Variants in TNIP1 observed in about 807,000 individuals in gnomAD.
The protein encoded by TNIP1 is TNFAIP3 interacting protein 1, also known as TNFAIP3-interacting protein 1.
TNIP1 carries 22 observed loss-of-function variants against 86.6 expected under a neutral mutation model. The observed-to-expected ratio is 0.25, with a 90% CI of 0.18 to 0.36. TNIP1 has a LOEUF of 0.36. TNIP1 is among the 10% of genes least tolerant of loss of function. TNIP1 has a pLI of 1.00. For synonymous variants in TNIP1, 294 were observed against 313.0 expected, an observed-to-expected ratio of 0.94 and a Z score of 0.64; for missense variants, 709 against 820.6, an observed-to-expected ratio of 0.86 and a Z score of 1.66.
intron 1 of TNIP1, among the ~76,000 whole-genome samples, chr5:151,071,274 T>C (rs1488216408): frequency 6.6e-6 from 1 of 152,046 alleles, no homozygotes; most frequent in Non-Finnish European, 1.5e-5. Flanking sequence ...TCCTCCATCC[T>C]TGCAATCAAC....
At chr5:151,057,754 G>T (rs1474344326) in intron 5 of TNIP1, among the ~76,000 whole-genome samples, 2 of 152,132 alleles carry the variant, frequency 1.3e-5, no homozygotes, top group African/African-American at 4.8e-5. Context: ...AACATGTACA[G>T]AATTTTTTTC....
chr5:151,031,112 C>G (rs552532030), intron 17 of TNIP1, among the ~76,000 whole-genome samples: 1 of 152,292 alleles, frequency 6.6e-6, no homozygotes, highest in Non-Finnish European at 1.5e-5. Flanking sequence ...ATCAAAGCAG[C>G]CTCCAAGGGG....
At chr5:151,035,779 C>T (rs1757623288) in intron 13 of TNIP1, 72 bp from the exon 14 acceptor site, 12 of 1,582,894 alleles carry the variant, frequency 7.6e-6, no homozygotes, top group Non-Finnish European at 1.0e-5. Context: ...GGCCCAGACT[C>T]CCATGCCTCC....
chr5:151,078,817 C>T (rs887026337), intron 1 of TNIP1, among the ~76,000 whole-genome samples: 1 of 152,154 alleles, frequency 6.6e-6, no homozygotes, highest in African/African-American at 2.4e-5. Flanking sequence ...CAAATCACAG[C>T]GGGTACAGGA....
intron 14 of TNIP1, 122 bp from the exon 15 acceptor site, chr5:151,035,189 G>A (rs762468260): frequency 1.2e-5 from 14 of 1,160,344 alleles, no homozygotes; most frequent in East Asian, 2.5e-5. Context: ...GCCACCATGC[G>A]TGGGCCAGCC....
chr5:151,032,594 T>C (rs1581713384), intron 16 of TNIP1: 1 of 593,140 alleles, frequency 1.7e-6, no homozygotes, highest in East Asian at 2.9e-5. Flanking sequence ...ATGGCTAAGC[T>C]TGGATTTGAA....
upstream of TNIP1, among the ~76,000 whole-genome samples, chr5:151,085,586 A>C (rs947650341): frequency 6.6e-6 from 1 of 152,182 alleles, no homozygotes; most frequent in Non-Finnish European, 1.5e-5. Flanking sequence ...AGGAGAGGAA[A>C]GGGCAAAGTG....
intron 1 of TNIP1, among the ~76,000 whole-genome samples, chr5:151,067,402 C>T (rs1394845127): frequency 1.3e-5 from 2 of 152,204 alleles, no homozygotes; most frequent in Non-Finnish European, 2.9e-5. Flanking sequence ...GAGGCAGGAG[C>T]GTACTTTGCA....
chr5:151,056,951 C>T lies in TNIP1; in HGVS notation c.442G>A (p.Gly148Ser). The stretch of plus-strand genomic sequence containing the variant: ...TTGCCGTCCTCACGGGGCAGGGGGC[C>T]CAGCGCCTGGAGAGGGAAAGGGCAC... ...SSSHANAMAL[G>S]PLPREDGNLM... is the part of the protein sequence containing the mutation. The change falls in exon 6 of 18, where the codon GGC becomes AGC. Residue 148 changes from glycine to serine, a missense_variant. Coordinates refer to ENST00000521591, the MANE Select transcript of TNIP1 (RefSeq NM_006058.5). 6.6e-7 allele frequency: 1 copy of T among 1,513,340 alleles called. No individual in the cohort carries two copies. The allele number at this position is 1,513,340 out of a possible 1,614,324, so 93.7% of individuals were successfully genotyped here.
At chr5:151,038,959 A>C in intron 12 of TNIP1, 138 bp downstream of exon 12, 1 of 1,194,828 alleles carries the variant, frequency 8.4e-7, no homozygotes, top group Non-Finnish European at 1.1e-6. Flanking sequence ...ATGGCAGAGC[A>C]GGCGGGAAAC....
At chr5:151,045,807 C>T in intron 9 of TNIP1, 54 bp downstream of exon 9, 1 of 1,579,582 alleles carries the variant, frequency 6.3e-7, no homozygotes, top group Non-Finnish European at 8.7e-7. Flanking sequence ...CTTTGTGCTG[C>T]TGGTCCCGGG....
chr5:151,039,915 C>T (rs1023731206), intron 11 of TNIP1, among the ~76,000 whole-genome samples: 4 of 152,252 alleles, frequency 2.6e-5, no homozygotes, highest in Non-Finnish European at 5.9e-5. Context: ...ACGGAACCAG[C>T]AGGGCTTCGC....
At chr5:151,048,938 C>T (rs1049522400) in intron 8 of TNIP1, among the ~76,000 whole-genome samples, 2 of 152,172 alleles carry the variant, frequency 1.3e-5, no homozygotes, top group Admixed American at 6.5e-5. Flanking sequence ...TACTTGACCT[C>T]TCCAAACCTA....
chr5:151,057,804 A>G (rs1460112837), intron 5 of TNIP1, among the ~76,000 whole-genome samples: 3 of 152,242 alleles, frequency 2.0e-5, no homozygotes, highest in African/African-American at 7.2e-5. Context: ...ACCAAAATTT[A>G]GCATTTACAT....
In TNIP1 at chr5:151,052,075, C is replaced by A. The variant is rs939450923; in HGVS notation, c.722+90G>T. The A allele has an allele frequency of 2.6e-5, 31 of 1,177,288 alleles. No homozygotes were observed. In the African/African-American group the frequency reaches 4.1e-4, roughly 16 times the overall value. The allele number at this position is 1,177,288 out of a possible 1,614,324, so 72.9% of individuals were successfully genotyped here. A position where few individuals can be genotyped will look rare whatever the true frequency, so the allele number is the denominator to read the frequency against. The stretch of plus-strand genomic sequence containing the variant: ...CTCTGGGCACAGGGCCTCAGAGCCA[C>A]GGTCCTCAACCCAGAAATCAGTGCT... On this transcript the variant is annotated intron_variant, in intron 7 of 17. Coordinates refer to ENST00000521591, the MANE Select transcript of TNIP1 (RefSeq NM_006058.5).
At chr5:151,059,818 AGAGAGAGAGAGT>A (rs1316489289) in intron 5 of TNIP1, among the ~76,000 whole-genome samples, 3 of 102,980 alleles carry the variant, frequency 2.9e-5, no homozygotes, top group South Asian at 3.1e-4. Context: ...AGAGAGAGAG[AGAGAGAGAGAGT>A]GTGTGTGTGT....
In TNIP1 at chr5:151,039,243, T is replaced by C; in HGVS notation, c.1135-18A>G. 1.2e-6 allele frequency: 2 copies of C among 1,608,074 alleles called. No individual in the cohort carries two copies. The highest frequency in any genetic ancestry group is 1.7e-6 in the Non-Finnish European group (2 of 1,178,624). The stretch of plus-strand genomic sequence containing the variant: ...TTGTCGGTCTGCAGGGAATACAAGG[T>C]TGGTAAGCTGGCTAGGATGGCCTCT... On this transcript the variant is annotated intron_variant, in intron 11 of 17. Transcript: ENST00000521591.
rs111610756 is a variant in TNIP1, at chr5:151,067,855, C to T, written c.-36-2724G>A. On this transcript the variant is annotated intron_variant, in intron 1 of 17. Transcript: ENST00000521591. ...GACCCACTGACCAGACGCACTTGGA[C>T]GCCCAGACACTTCTAGAATCCAGGC... Among the ~76,000 whole-genome samples, 10 of 152,318 alleles carry T rather than the reference C, an allele frequency of 6.6e-5. No homozygotes were observed. In the East Asian group the frequency reaches 7.7e-4, roughly 12 times the overall value.
chr5:151,045,597 A>C (rs1201789772), intron 9 of TNIP1, among the ~76,000 whole-genome samples: 1 of 152,146 alleles, frequency 6.6e-6, no homozygotes, highest in African/African-American at 2.4e-5. Context: ...GAGCCTGCCT[A>C]AACTGTAGCC....
Sources: gnomAD v4.1 joint callset for allele counts (sites outside exome capture counted in the v4.1 genomes callset) on GRCh38, gnomAD v4.1.1 for gene constraint, MANE v1.5 for transcripts, NCBI Gene and HGNC (gene_info 2026-07-23, HGNC 2026-07-21) for gene names.